Variants in ALDH6A1 observed in about 807,000 individuals in gnomAD.
The protein encoded by ALDH6A1 is aldehyde dehydrogenase 6 family member A1.
A neutral mutation model predicts 62.6 loss-of-function variants in ALDH6A1; 43 were observed. That is an observed-to-expected ratio of 0.69 (90% CI 0.54 to 0.89). ALDH6A1 has a LOEUF of 0.89. ALDH6A1 is among the 40% of genes least tolerant of loss of function. The probability of loss-of-function intolerance (pLI) is 0.00; values close to 1 mark genes in which losing one functional copy is unlikely to be tolerated. For synonymous variants in ALDH6A1, 194 were observed against 234.2 expected (o/e 0.83, Z 1.57); for missense variants, 551 against 661.3 (o/e 0.83, Z 1.83).
rs1266024897 is a variant in ALDH6A1 at position 74,058,709 on chromosome 14, T to C, written c.*1933A>G. 6.6e-6 allele frequency: 1 copy of C among 152,070 alleles called. No individual in the cohort carries two copies. Among genetic ancestry groups the C allele is most frequent in the African/African-American group, 2.4e-5 (1 of 41,384 alleles). The allele number at this position is 152,070 out of a possible 1,614,324, so 9.4% of individuals were successfully genotyped here. Reference sequence around the variant, plus strand: ...AAAATAAAAAGAGGATTCAATTGGATTGGTACTGCAAAAAGAATCCATTCT... The same window carrying C: ...AAAATAAAAAGAGGATTCAATTGGACTGGTACTGCAAAAAGAATCCATTCT... On this transcript the variant is annotated 3_prime_UTR_variant, in exon 12 of 12. Transcript: ENST00000553458.
chr14:74,075,466 T>A (rs1357038802), intron 1 of ALDH6A1, among the ~76,000 whole-genome samples: 1 of 152,026 alleles, frequency 6.6e-6, no homozygotes, highest in Non-Finnish European at 1.5e-5. Flanking sequence ...GAGACCACCC[T>A]GGGCAACATG....
chr14:74,074,829 C>T (rs1159275963), intron 2 of ALDH6A1, 126 bp downstream of exon 2: 1 of 981,574 alleles, frequency 1.0e-6, no homozygotes, highest in African/African-American at 1.6e-5. Context: ...GGAAATAATC[C>T]AAAAGGAGGA....
chr14:74,072,309 G>C lies in ALDH6A1; in HGVS notation c.242C>G (p.Ala81Gly), dbSNP rs747157820. The change falls in exon 4 of 12, where the codon GCA becomes GGA. Residue 81 changes from alanine (A) to glycine (G), a missense_variant. By Grantham distance (60) the Ala-to-Gly change is moderately conservative (BLOSUM62 0). Transcript: ENST00000553458. ...VPQATKAEMD[A>G]AIASCKRAFP... is the part of the protein sequence containing the mutation. ...AGCACGTTTGCAGGAAGCAATGGCT[G>C]CATCCATTTCTGCCTTGGTGGCCTG... 2 of 1,614,122 alleles carry C rather than the reference G, an allele frequency of 1.2e-6. No individual in the cohort carries two copies. Among genetic ancestry groups the C allele is most frequent in the African/African-American group, 2.7e-5 (2 of 74,946 alleles).
intron 1 of ALDH6A1, among the ~76,000 whole-genome samples, chr14:74,076,975 G>C (rs1477905106): frequency 1.3e-5 from 2 of 152,208 alleles, no homozygotes; most frequent in African/African-American, 4.8e-5. Flanking sequence ...TGCCTGAAAA[G>C]GGACTCTGTT....
At position 74,060,265 on chromosome 14, in the gene ALDH6A1, G is replaced by T. The variant is rs886050729; in HGVS notation, c.*377C>A. 7.2e-5 allele frequency: 15 copies of T among 208,986 alleles called. No individual in the cohort carries two copies. The highest frequency in any genetic ancestry group is 1.6e-4 in the South Asian group (2 of 12,168). The allele number at this position is 208,986 out of a possible 1,614,324, so 12.9% of individuals were successfully genotyped here. A position where few individuals can be genotyped will look rare whatever the true frequency, so the allele number is the denominator to read the frequency against. ...TCTGCCCACTGTGGCCTCCCAAAAT[G>T]ATGGAATTACAGGCGTGAGCCACCG... is the stretch of plus-strand genomic sequence containing the variant. On this transcript the variant is annotated 3_prime_UTR_variant, in exon 12 of 12. Transcript: ENST00000553458.
At chr14:74,067,081 G>T (rs2060478823) in intron 8 of ALDH6A1, among the ~76,000 whole-genome samples, 195 bp from the exon 9 acceptor site, 2 of 152,120 alleles carry the variant, frequency 1.3e-5, no homozygotes, top group Admixed American at 1.3e-4. Context: ...CCAGGTGGTG[G>T]CCCGCACCTG....
chr14:74,068,833 T>C (rs1247562108), intron 7 of ALDH6A1, 27 bp downstream of exon 7: 3 of 1,613,068 alleles, frequency 1.9e-6, no homozygotes, highest in Admixed American at 3.3e-5. Flanking sequence ...AGAACAAAGA[T>C]TGGAGAAAAA....
intron 11 of ALDH6A1, 145 bp downstream of exon 11, chr14:74,064,677 A>G (rs2060429656): frequency 3.1e-6 from 5 of 1,613,976 alleles, no homozygotes; most frequent in South Asian, 1.1e-5. Context: ...TAACTTTTAA[A>G]TCTTTTTTAG....
rs754768335 is a variant in ALDH6A1, at chr14:74,084,271, C to T, written c.48+76G>A. On this transcript the variant is annotated intron_variant, in intron 1 of 11. Transcript: ENST00000553458. ...GGTTGGGCCAAGAAGGTGGTCCCGCCCGAGGATGGCTCAGGGAGCGGACGG... is the reference window on the plus strand; with the variant it reads ...GGTTGGGCCAAGAAGGTGGTCCCGCTCGAGGATGGCTCAGGGAGCGGACGG... 7 of 1,605,484 alleles carry T rather than the reference C, an allele frequency of 4.4e-6. No homozygotes were observed. In the East Asian group the frequency reaches 1.3e-4, roughly 31 times the overall value.
At chr14:74,069,096 TTTTTC>T (rs1181904936) in intron 6 of ALDH6A1, 115 bp from the exon 7 acceptor site, 1 of 984,526 alleles carries the variant, frequency 1.0e-6, no homozygotes, top group East Asian at 3.2e-5. Flanking sequence ...TTTCTTTTAC[TTTTTC>T]TTTTTTTTTT....
At chr14:74,080,400 C>T (rs1444778279) in intron 1 of ALDH6A1, among the ~76,000 whole-genome samples, 2 of 142,710 alleles carry the variant, frequency 1.4e-5, no homozygotes, top group Non-Finnish European at 3.0e-5. Context: ...CAGAGTCTCA[C>T]TCTGTCACCC....
At chr14:74,063,641 G>A (rs1199693675) in intron 11 of ALDH6A1, among the ~76,000 whole-genome samples, 4 of 151,640 alleles carry the variant, frequency 2.6e-5, no homozygotes, top group Non-Finnish European at 5.9e-5. Context: ...TGAGGCAGGC[G>A]GATCACCTGA....
intron 10 of ALDH6A1, 117 bp downstream of exon 10, chr14:74,065,064 G>T: frequency 7.1e-7 from 1 of 1,400,164 alleles, no homozygotes; most frequent in Non-Finnish European, 1.0e-6. Context: ...GGAAGAAATG[G>T]GGCAATGTGG....
chr14:74,076,618 C>T (rs1251205495), intron 1 of ALDH6A1, among the ~76,000 whole-genome samples: 1 of 152,180 alleles, frequency 6.6e-6, no homozygotes, highest in Non-Finnish European at 1.5e-5. Context: ...CTCACTGCAA[C>T]CTCCACCTCC....
At position 74,072,590 on chromosome 14, in the gene ALDH6A1, C is replaced by G. The variant is rs375512025; in HGVS notation, c.133G>C (p.Gly45Arg). ...SSVPTVKLFI[G>R]GKFVESKSDK... ...CTTTTGGATTCAACGAATTTCCCAC[C>G]AATGAAGAGCTTTACAGTTGGCTGA... is the stretch of plus-strand genomic sequence containing the variant. The change falls in exon 3 of 12, where the codon GGT (glycine) becomes CGT (arginine). Residue 45 changes from glycine to arginine, a missense_variant. Transcript: ENST00000553458. The G allele has an allele frequency of 3.7e-6, 6 of 1,613,768 alleles. No individual in the cohort carries two copies. In the African/African-American group the frequency reaches 6.7e-5, roughly 18 times the overall value.
intron 1 of ALDH6A1, among the ~76,000 whole-genome samples, chr14:74,079,874 G>A (rs993529527): frequency 1.3e-5 from 2 of 151,868 alleles, no homozygotes; most frequent in Non-Finnish European, 1.5e-5. Flanking sequence ...TGACCTCTAC[G>A]GATAATTTTA....
chr14:74,059,141 C>A lies in ALDH6A1; in HGVS notation c.*1501G>T. 5.8e-6 allele frequency: 1 copy of A among 173,378 alleles called. No individual in the cohort carries two copies. 10.7% of individuals were successfully genotyped at this position (173,378 alleles called of 1,614,324 possible). On this transcript the variant is annotated 3_prime_UTR_variant, in exon 12 of 12. Transcript: ENST00000553458. ...CAGTTGAACTAATGGCAGAAGAAGA[C>A]TGTCAAAGCATTTTTTTTTAACCAC...
In ALDH6A1 at chr14:74,066,698, T is replaced by C. The variant is rs751036704; in HGVS notation, c.1224+7A>G. ...GCTCTCATATTTGTGAAGTGAAAGTTGTTCACCTTGACATTCGAGATGATG... is the reference window on the plus strand; with the variant it reads ...GCTCTCATATTTGTGAAGTGAAAGTCGTTCACCTTGACATTCGAGATGATG... On this transcript the variant is annotated splice_region_variant and intron_variant, in intron 9 of 11. Coordinates refer to ENST00000553458, the MANE Select transcript of ALDH6A1 (RefSeq NM_005589.4). 6.2e-7 allele frequency: 1 copy of C among 1,613,578 alleles called. No homozygotes were observed. The highest frequency in any genetic ancestry group is 1.1e-5 in the South Asian group (1 of 91,076).
At position 74,064,850 on chromosome 14, in the gene ALDH6A1, CT is replaced by C; in HGVS notation, c.1474del (p.Arg492GlyfsTer18). ...TTTGCCATAGAAATTGGTGTCTCCC[CT>C]GAAGGAGGATCGAGAGCCGGTGAAT... ...FSFTGSRSSF[R>X]GDTNFYGKQG... On this transcript the variant is annotated frameshift_variant, in exon 11 of 12. Coordinates refer to ENST00000553458, the MANE Select transcript of ALDH6A1 (RefSeq NM_005589.4). LOFTEE classifies it high-confidence loss of function. The C allele has an allele frequency of 6.2e-7, 1 of 1,614,044 alleles. No individual in the cohort carries two copies. The highest frequency in any genetic ancestry group is 8.5e-7 in the Non-Finnish European group (1 of 1,179,998).
Sources: allele counts gnomAD v4.1 joint callset (sites outside exome capture counted in the v4.1 genomes callset), GRCh38; gene constraint gnomAD v4.1.1; transcripts MANE v1.5; gene names NCBI Gene and HGNC (gene_info 2026-07-23, HGNC 2026-07-21).